FAT3: variants seen among roughly 807,000 people sequenced by gnomAD.
The protein encoded by FAT3 is FAT atypical cadherin 3.
In FAT3, 95 loss-of-function variants were observed where a neutral mutation model predicts 310.2. The observed-to-expected ratio is 0.31, with a 90% CI of 0.26 to 0.36. The LOEUF is 0.36. FAT3 is among the 10% of genes least tolerant of loss of function. The pLI is 1.00. For synonymous variants in FAT3, 2,314 were observed against 2,192.9 expected (o/e 1.06, Z -1.54); for missense variants, 5,408 against 5,715.6 (o/e 0.95, Z 1.74).
intron 2 of FAT3, among the ~76,000 whole-genome samples, chr11:92,442,111 A>ATATATTTTTTTTTTTTTTTTT (rs1453396603): frequency 4.4e-5 from 2 of 45,220 alleles, no homozygotes; most frequent in African/African-American, 1.8e-4. Flanking sequence ...ATATATATAT[A>ATATATTTTTTTTTTTTTTTTT]TTTTTTTTTT....
chr11:92,237,326 G>A (rs774373004), intron 1 of FAT3, among the ~76,000 whole-genome samples: 1 of 152,142 alleles, frequency 6.6e-6, no homozygotes, highest in Non-Finnish European at 1.5e-5. Flanking sequence ...TGGTATGATC[G>A]ATGTTACCAT....
intron 6 of FAT3, among the ~76,000 whole-genome samples, chr11:92,773,226 A>G (rs998261711): frequency 6.6e-6 from 1 of 152,192 alleles, no homozygotes; most frequent in Non-Finnish European, 1.5e-5. Flanking sequence ...TGATTTCAAC[A>G]ATGGCAGTGT....
intron 1 of FAT3, among the ~76,000 whole-genome samples, chr11:92,345,442 G>C (rs1163723593): frequency 1.3e-5 from 2 of 152,118 alleles, no homozygotes; most frequent in Non-Finnish European, 2.9e-5. Flanking sequence ...TTCTCAAAGT[G>C]GGGTCCCAGG....
At chr11:92,342,891 T>C (rs1428299676) in intron 1 of FAT3, among the ~76,000 whole-genome samples, 2 of 152,156 alleles carry the variant, frequency 1.3e-5, no homozygotes, top group African/African-American at 4.8e-5. Flanking sequence ...ACTTTTTTTT[T>C]CTCTTATACC....
At chr11:92,450,508 C>G (rs1255753687) in intron 2 of FAT3, among the ~76,000 whole-genome samples, 1 of 152,140 alleles carries the variant, frequency 6.6e-6, no homozygotes, top group African/African-American at 2.4e-5. Context: ...GTCACAGCCT[C>G]TGGTTCCTAC....
rs1248816561 is a variant in FAT3 at position 92,799,231 on chromosome 11, A to T, written c.6218A>T (p.Asn2073Ile). ...GTGGCCAGAGTGGTGGTCAGGGTTA[A>T]CATTGAAGACATAAATGACAATTCT... Reference protein sequence around the residue: ...LRVARVVVRVNIEDINDNSPV... With the variant: ...LRVARVVVRVIIEDINDNSPV... Residue 2073 changes from asparagine (N) to isoleucine (I), a missense_variant, in exon 10 of 28, where the codon AAC becomes ATC. Physicochemically the swap from Asn to Ile is moderately radical, Grantham distance 149. Coordinates refer to ENST00000525166, the MANE Select transcript of FAT3 (RefSeq NM_001367949.2). 4 of 1,613,794 alleles carry T rather than the reference A, an allele frequency of 2.5e-6. No homozygotes were observed. The highest frequency in any genetic ancestry group is 1.3e-5 in the African/African-American group (1 of 74,910).
At chr11:92,299,493 G>A (rs1946935512) in intron 1 of FAT3, among the ~76,000 whole-genome samples, 1 of 152,112 alleles carries the variant, frequency 6.6e-6, no homozygotes. Flanking sequence ...AATGTGTGCA[G>A]TATGTGTTTT....
intron 14 of FAT3, among the ~76,000 whole-genome samples, chr11:92,832,628 A>G (rs1016562885): frequency 6.6e-6 from 1 of 152,154 alleles, no homozygotes; most frequent in Non-Finnish European, 1.5e-5. Flanking sequence ...TGGTTTCTCA[A>G]TGGAGAGAGG....
intron 3 of FAT3, among the ~76,000 whole-genome samples, chr11:92,644,369 G>A (rs1321670630): frequency 5.3e-5 from 8 of 152,138 alleles, no homozygotes; most frequent in Admixed American, 5.2e-4. Flanking sequence ...ATTTTGAGAT[G>A]TCAAGCCAAC....
At chr11:92,474,834 G>A (rs1266246446) in intron 2 of FAT3, among the ~76,000 whole-genome samples, 1 of 152,210 alleles carries the variant, frequency 6.6e-6, no homozygotes, top group Non-Finnish European at 1.5e-5. Flanking sequence ...AATTAAGAAG[G>A]TGGACAGTGG....
chr11:92,561,090 G>C (rs2135468687), intron 3 of FAT3, among the ~76,000 whole-genome samples: 1 of 152,254 alleles, frequency 6.6e-6, no homozygotes, highest in South Asian at 2.1e-4. Context: ...CTGTGGGAAA[G>C]AAAATTTTCA....
At chr11:92,832,676 A>AT (rs879634416) in intron 14 of FAT3, among the ~76,000 whole-genome samples, 3 of 151,870 alleles carry the variant, frequency 2.0e-5, no homozygotes, top group African/African-American at 7.3e-5. Context: ...AGTTTGTTTG[A>AT]TTTTCTCTCT....
chr11:92,782,009 A>G (rs940684075), intron 7 of FAT3, among the ~76,000 whole-genome samples: 1 of 152,124 alleles, frequency 6.6e-6, no homozygotes, highest in African/African-American at 2.4e-5. Flanking sequence ...GTAATCCTTT[A>G]GACTTATAAG....
At chr11:92,784,626 TA>T (rs1946840617) in intron 7 of FAT3, among the ~76,000 whole-genome samples, 2 of 152,220 alleles carry the variant, frequency 1.3e-5, no homozygotes, top group Admixed American at 1.3e-4. Context: ...TGTACTTCTT[TA>T]GGCATTTCAA....
rs759501588 is a variant in FAT3, at chr11:92,798,046, C to A, written c.5033C>A (p.Ala1678Glu). Residue 1678 changes from alanine to glutamate, a missense_variant, in exon 10 of 28, where the codon GCA (alanine) becomes GAA (glutamate). Physicochemically the swap from Ala to Glu is moderately radical, Grantham distance 107 (BLOSUM62 -1). This residue lies in a region of FAT3 where 4,588 missense variants were observed against 4,809.8 expected (regional missense o/e 0.95). Transcript: ENST00000525166. ...HPKFIHKDYQAEVNENVDIGT... is the reference protein window; with the variant it reads ...HPKFIHKDYQEEVNENVDIGT... ...AAGTTCATTCACAAAGACTACCAAG[C>A]AGAAGTAAATGAAAATGTTGACATT... 1 of 1,613,852 alleles carries A rather than the reference C, an allele frequency of 6.2e-7. No individual in the cohort carries two copies. The highest frequency in any genetic ancestry group is 8.5e-7 in the Non-Finnish European group (1 of 1,179,860).
chr11:92,626,593 T>C (rs1488964712), intron 3 of FAT3, among the ~76,000 whole-genome samples: 1 of 152,132 alleles, frequency 6.6e-6, no homozygotes, highest in Non-Finnish European at 1.5e-5. Context: ...GCACTTATTG[T>C]GTTCCAGAAG....
intron 2 of FAT3, among the ~76,000 whole-genome samples, chr11:92,464,377 G>A (rs1360584053): frequency 6.6e-6 from 1 of 152,178 alleles, no homozygotes; most frequent in Admixed American, 6.5e-5. Context: ...AATATCTGAA[G>A]GCAGATGTCA....
At chr11:92,417,437 A>G (rs930774210) in intron 2 of FAT3, among the ~76,000 whole-genome samples, 9 of 152,242 alleles carry the variant, frequency 5.9e-5, no homozygotes, top group African/African-American at 2.2e-4. Context: ...TTATGTAGTC[A>G]GAAGGCAGGT....
intron 6 of FAT3, among the ~76,000 whole-genome samples, chr11:92,766,413 G>A (rs1463382494): frequency 6.6e-6 from 1 of 152,174 alleles, no homozygotes; most frequent in Non-Finnish European, 1.5e-5. Flanking sequence ...GGATGGGCAG[G>A]AACCTGCCTC....
Sources: allele counts gnomAD v4.1 joint callset (sites outside exome capture counted in the v4.1 genomes callset), GRCh38; gene constraint gnomAD v4.1.1; regional missense constraint gnomAD v4.1.1; transcripts MANE v1.5; gene names NCBI Gene and HGNC (gene_info 2026-07-23, HGNC 2026-07-21).